Variants in PVT1 observed in about 807,000 individuals in gnomAD.
The protein encoded by PVT1 is CXCR4/PVT1 fusion.
chr8:128,038,029 G>A (rs572018613), intron 4 of PVT1, among the ~76,000 whole-genome samples: 1 of 152,146 alleles, frequency 6.6e-6, no homozygotes, highest in African/African-American at 2.4e-5. Flanking sequence ...TCCTGATCTG[G>A]GTCACCAGGC....
chr8:128,048,913 T>A (rs1813652226), intron 4 of PVT1, among the ~76,000 whole-genome samples: 1 of 152,240 alleles, frequency 6.6e-6, no homozygotes, highest in Non-Finnish European at 1.5e-5. Flanking sequence ...GGTTATAATT[T>A]GGCTCTTACT....
At chr8:127,868,748 T>C (rs1201669177) in intron 2 of PVT1, among the ~76,000 whole-genome samples, 1 of 147,222 alleles carries the variant, frequency 6.8e-6, no homozygotes, top group Non-Finnish European at 1.5e-5. Context: ...TTTTGCATCC[T>C]ATTATTTCTC....
intron 3 of PVT1, among the ~76,000 whole-genome samples, chr8:127,956,290 T>C (rs1241440079): frequency 6.6e-6 from 1 of 152,188 alleles, no homozygotes; most frequent in Non-Finnish European, 1.5e-5. Context: ...GGCCTGCCCC[T>C]CATCCATCCA....
At chr8:127,921,361 G>A (rs1816054977) in intron 3 of PVT1, among the ~76,000 whole-genome samples, 1 of 152,104 alleles carries the variant, frequency 6.6e-6, no homozygotes, top group South Asian at 2.1e-4. Flanking sequence ...GTTAAGAGAG[G>A]TCTTCGAAAG....
At chr8:127,850,968 T>C (rs1309694363) in intron 2 of PVT1, among the ~76,000 whole-genome samples, 1 of 149,652 alleles carries the variant, frequency 6.7e-6, no homozygotes, top group African/African-American at 2.5e-5. Flanking sequence ...GATCGTGCCA[T>C]AGCACTCCAC....
At chr8:127,834,495 A>G (rs1444212220) in intron 2 of PVT1, among the ~76,000 whole-genome samples, 2 of 152,234 alleles carry the variant, frequency 1.3e-5, no homozygotes, top group African/African-American at 4.8e-5. Context: ...AACACCATTC[A>G]GGACATAGGC....
chr8:127,863,392 G>A (rs937896753), intron 2 of PVT1, among the ~76,000 whole-genome samples: 1 of 152,208 alleles, frequency 6.6e-6, no homozygotes, highest in Non-Finnish European at 1.5e-5. Flanking sequence ...TGACAGGCAT[G>A]AGCCACCGTG....
At chr8:127,997,423 G>A (rs1817119844) in intron 4 of PVT1, among the ~76,000 whole-genome samples, 3 of 152,058 alleles carry the variant, frequency 2.0e-5, no homozygotes, top group Non-Finnish European at 2.9e-5. Context: ...TCCCAGCTTC[G>A]ACATTACACA....
chr8:127,920,431 G>A (rs4733580), intron 3 of PVT1, among the ~76,000 whole-genome samples: 43,909 of 152,166 alleles, frequency 0.29, 7,214 homozygotes, highest in Middle Eastern at 0.44. Flanking sequence ...CCTTGGGCAA[G>A]TTAATTAACC....
At chr8:127,965,116 C>G (rs1455228629) in intron 3 of PVT1, among the ~76,000 whole-genome samples, 1 of 152,176 alleles carries the variant, frequency 6.6e-6, no homozygotes, top group African/African-American at 2.4e-5. Context: ...AGGTTTAGAC[C>G]TCATATCCAG....
intron 4 of PVT1, among the ~76,000 whole-genome samples, chr8:128,056,668 G>T (rs1053209197): frequency 6.6e-6 from 1 of 152,150 alleles, no homozygotes; most frequent in Admixed American, 6.5e-5. Context: ...TGCCAAGACT[G>T]CCCTTGGGAC....
At chr8:127,796,512 C>T (rs1814398379) in intron 2 of PVT1, among the ~76,000 whole-genome samples, 1 of 152,122 alleles carries the variant, frequency 6.6e-6, no homozygotes, top group Non-Finnish European at 1.5e-5. Flanking sequence ...TAGGCAGGCA[C>T]TCTGGCTGGA....
At chr8:127,966,162 T>C (rs1407425064) in intron 3 of PVT1, among the ~76,000 whole-genome samples, 1 of 152,232 alleles carries the variant, frequency 6.6e-6, no homozygotes, top group Non-Finnish European at 1.5e-5. Context: ...TAACAGCGTC[T>C]AAGAGAATGC....
At chr8:128,045,642 T>A (rs997475873) in intron 4 of PVT1, among the ~76,000 whole-genome samples, 1 of 152,164 alleles carries the variant, frequency 6.6e-6, no homozygotes, top group Non-Finnish European at 1.5e-5. Context: ...TGGAAGGGTG[T>A]GTTACAAAAG....
chr8:128,072,320 G>A (rs1299053153), intron 5 of PVT1, among the ~76,000 whole-genome samples: 2 of 152,038 alleles, frequency 1.3e-5, no homozygotes, highest in Non-Finnish European at 2.9e-5. Context: ...ATGGATACTG[G>A]GCCACAGAAC....
chr8:127,926,041 G>T (rs905227553), intron 3 of PVT1, among the ~76,000 whole-genome samples: 2 of 152,128 alleles, frequency 1.3e-5, no homozygotes, highest in Admixed American at 6.5e-5. Flanking sequence ...GGAGAGAGGC[G>T]TGGAGAAAAG....
chr8:128,064,122 C>T (rs1437663958), intron 4 of PVT1, among the ~76,000 whole-genome samples: 2 of 152,200 alleles, frequency 1.3e-5, no homozygotes, highest in African/African-American at 4.8e-5. Flanking sequence ...ATTGATAGTC[C>T]TTCCTGCAGT....
rs1410979584 is a variant in PVT1 at position 128,003,011 on chromosome 8, C to CT, written n.912+13727dup. Among the ~76,000 whole-genome samples the CT allele has an allele frequency of 1.1e-4, 11 of 96,282 alleles. No homozygotes were observed. In the East Asian group the frequency reaches 2.4e-3, roughly 21 times the overall value. 63.2% of individuals were successfully genotyped at this position (96,282 alleles called of 152,430 possible). A position where few individuals can be genotyped will look rare whatever the true frequency, so the allele number is the denominator to read the frequency against. The stretch of plus-strand genomic sequence containing the variant: ...TTCCTTCCTCCCTTCTTTTTTCTTT[C>CT]TTTTTTTGACGGAGTCCTGCTCTTT... On this transcript the variant is annotated intron_variant and non_coding_transcript_variant, in intron 4 of 10. Transcript: ENST00000651587.
chr8:127,849,558 A>C (rs183115766), intron 2 of PVT1, among the ~76,000 whole-genome samples: 1 of 152,378 alleles, frequency 6.6e-6, no homozygotes, highest in Admixed American at 6.5e-5. Flanking sequence ...CGAGGTAAAA[A>C]GAGGTGGAAT....
Sources: allele counts gnomAD v4.1 joint callset (sites outside exome capture counted in the v4.1 genomes callset), GRCh38; gene constraint gnomAD v4.1.1; transcripts MANE v1.5; gene names NCBI Gene and HGNC (gene_info 2026-07-23, HGNC 2026-07-21).